Variants in ST18 observed in about 807,000 individuals in gnomAD.
ST18 encodes the protein suppression of tumorigenicity 18 protein.
ST18 carries 50 observed loss-of-function variants against 110.0 expected under a neutral mutation model. The observed-to-expected ratio is 0.45, with a 90% CI of 0.36 to 0.58. The LOEUF (loss-of-function observed/expected upper bound fraction) is 0.58, where lower values mean the gene tolerates loss of function less well. Ranked by LOEUF, ST18 falls within the 20% of genes least tolerant of loss-of-function variation. The pLI is 0.00. For synonymous variants in ST18, 461 were observed against 452.4 expected (o/e 1.02, Z -0.24); for missense variants, 1,306 against 1,280.1 (o/e 1.02, Z -0.31).
At chr8:52,303,658 C>G (rs940327709) in intron 2 of ST18, among the ~76,000 whole-genome samples, 5 of 151,990 alleles carry the variant, frequency 3.3e-5, no homozygotes, top group African/African-American at 1.2e-4. Flanking sequence ...ATGTTCCTGC[C>G]AAAGATACAC....
At chr8:52,152,724 T>C (rs1184996787) in intron 15 of ST18, among the ~76,000 whole-genome samples, 1 of 152,264 alleles carries the variant, frequency 6.6e-6, no homozygotes, top group Admixed American at 6.5e-5. Context: ...GGTAATTTTA[T>C]AAATTTAATG....
intron 8 of ST18, among the ~76,000 whole-genome samples, chr8:52,191,798 C>T (rs1326873905): frequency 1.3e-5 from 2 of 152,044 alleles, no homozygotes; most frequent in African/African-American, 4.8e-5. Context: ...AGAAAATATG[C>T]GGGCCCATGG....
intron 2 of ST18, among the ~76,000 whole-genome samples, chr8:52,388,973 T>TAACAACAAA (rs1838160969): frequency 7.0e-6 from 1 of 142,694 alleles, no homozygotes; most frequent in Non-Finnish European, 1.5e-5. Context: ...AATAATAATT[T>TAACAACAAA]AAAAAAAAAA....
chr8:52,267,276 G>A (rs932226346), intron 2 of ST18, among the ~76,000 whole-genome samples: 3 of 151,898 alleles, frequency 2.0e-5, no homozygotes, highest in African/African-American at 7.3e-5. Flanking sequence ...TATTAGGAGG[G>A]TGAGAAAGAG....
chr8:52,230,059 T>C lies in ST18; in HGVS notation c.-446A>G, dbSNP rs532573902. 6.6e-5 allele frequency: 10 copies of C among 152,642 alleles called. No homozygotes were observed. Among genetic ancestry groups the C allele is most frequent in the Admixed American group, 5.9e-4 (9 of 15,294 alleles). The allele number at this position is 152,642 out of a possible 1,614,324, so 9.5% of individuals were successfully genotyped here. On this transcript the variant is annotated 5_prime_UTR_variant, in exon 3 of 26. Coordinates refer to ENST00000689386, the MANE Select transcript of ST18 (RefSeq NM_001352837.2). ...TCCCTAAAAGCTACTGGATCTGAAC[T>C]GGAGAGTTTCCATCACTCCTGAGGA... is the stretch of plus-strand genomic sequence containing the variant.
intron 22 of ST18, among the ~76,000 whole-genome samples, chr8:52,129,057 CAT>C (rs10590691): frequency 0.3 from 45,323 of 151,876 alleles, 9,786 homozygotes; most frequent in African/African-American, 0.62. Context: ...AGTCATCCTG[CAT>C]ATATATACAT....
intron 2 of ST18, among the ~76,000 whole-genome samples, chr8:52,307,698 A>G (rs1265421949): frequency 6.6e-6 from 1 of 152,238 alleles, no homozygotes; most frequent in Non-Finnish European, 1.5e-5. Context: ...GAATGTGTAC[A>G]TGAGGATGTA....
intron 24 of ST18, 54 bp downstream of exon 24, chr8:52,118,284 T>C: frequency 8.1e-7 from 1 of 1,232,040 alleles, no homozygotes; most frequent in Non-Finnish European, 1.2e-6. Flanking sequence ...AATGTTTTGT[T>C]TCCACCAAAG....
At chr8:52,357,671 CTATAAATATATATATATATATATATA>C (rs1198287944) in intron 2 of ST18, among the ~76,000 whole-genome samples, 5 of 59,992 alleles carry the variant, frequency 8.3e-5, no homozygotes, top group East Asian at 4.8e-4. Flanking sequence ...TCCCCAAAAT[CTATAAATATATATATATATATATATA>C]TATATATATA....
intron 23 of ST18, among the ~76,000 whole-genome samples, chr8:52,123,907 G>C (rs906267170): frequency 2.6e-5 from 4 of 152,164 alleles, no homozygotes; most frequent in Non-Finnish European, 5.9e-5. Context: ...TTACAGTATG[G>C]ATGGTAGTGG....
intron 2 of ST18, among the ~76,000 whole-genome samples, chr8:52,295,682 C>T (rs182140754): frequency 1.4e-5 from 2 of 147,716 alleles, no homozygotes; most frequent in South Asian, 2.2e-4. Context: ...AATTTTGAGG[C>T]GCAAATGAAA....
intron 2 of ST18, among the ~76,000 whole-genome samples, chr8:52,336,175 G>A (rs1390668307): frequency 6.6e-6 from 1 of 152,008 alleles, no homozygotes; most frequent in Non-Finnish European, 1.5e-5. Flanking sequence ...TTGAGACAGA[G>A]TCTCCCTCTG....
intron 2 of ST18, among the ~76,000 whole-genome samples, chr8:52,318,768 G>A (rs192965726): frequency 5.9e-5 from 9 of 152,198 alleles, no homozygotes; most frequent in East Asian, 1.9e-4. Flanking sequence ...GAACAAGATC[G>A]TATCCTTTGC....
intron 2 of ST18, among the ~76,000 whole-genome samples, chr8:52,312,758 T>G (rs2095944286): frequency 6.6e-6 from 1 of 152,118 alleles, no homozygotes; most frequent in South Asian, 2.1e-4. Context: ...TTAGCTTGAG[T>G]GGACCTGGAG....
chr8:52,216,883 G>A (rs1288728084), intron 6 of ST18, among the ~76,000 whole-genome samples: 1 of 152,134 alleles, frequency 6.6e-6, no homozygotes, highest in South Asian at 2.1e-4. Context: ...AGATTTCCAC[G>A]TCAGTGTGTG....
Position 52,132,105 on chromosome 8 carries a change from C to T in ST18, c.2519G>A (p.Cys840Tyr), listed in dbSNP as rs150215313. The T allele has an allele frequency of 6.2e-7, 1 of 1,614,194 alleles. No homozygotes were observed. Among genetic ancestry groups the T allele is most frequent in the Non-Finnish European group, 8.5e-7 (1 of 1,180,048 alleles). ...KYTSHRTASG[C>Y]PLAAKRQKEN... ...CTTCTGTCTCTTGGCAGCCAGAGGACAGCCAGAAGCTGTGCGGTGTGATGT... is the reference window on the plus strand; with the variant it reads ...CTTCTGTCTCTTGGCAGCCAGAGGATAGCCAGAAGCTGTGCGGTGTGATGT... The change falls in exon 22 of 26, where the codon TGT becomes TAT. Residue 840 changes from cysteine (C) to tyrosine (Y), a missense_variant. Physicochemically the swap from Cys to Tyr is radical, Grantham distance 194. Coordinates refer to ENST00000689386, the MANE Select transcript of ST18 (RefSeq NM_001352837.2).
chr8:52,304,003 G>GATGGGGCATCAT (rs1423772360), intron 2 of ST18, among the ~76,000 whole-genome samples: 1 of 152,142 alleles, frequency 6.6e-6, no homozygotes, highest in Admixed American at 6.5e-5. Context: ...TATTTGGGGT[G>GATGGGGCATCAT]GTGGGGCATC....
At chr8:52,136,514 G>C in intron 19 of ST18, 76 bp downstream of exon 19, 3 of 1,407,836 alleles carry the variant, frequency 2.1e-6, no homozygotes, top group Non-Finnish European at 3.0e-6. Context: ...TGATCACTTG[G>C]GCAATGAATG....
intron 2 of ST18, among the ~76,000 whole-genome samples, chr8:52,310,744 C>T (rs968760742): frequency 6.6e-6 from 1 of 152,136 alleles, no homozygotes; most frequent in African/African-American, 2.4e-5. Flanking sequence ...TTCAGTTTAA[C>T]CAGAGAGAGG....
Sources: gnomAD v4.1 joint callset for allele counts (sites outside exome capture counted in the v4.1 genomes callset) on GRCh38, gnomAD v4.1.1 for gene constraint, MANE v1.5 for transcripts, NCBI Gene and HGNC (gene_info 2026-07-23, HGNC 2026-07-21) for gene names.